The following LCOR variants were observed in gnomAD, a reference collection of about 807,000 sequenced individuals.
LCOR encodes the protein ligand dependent nuclear receptor corepressor.
LCOR carries 14 observed loss-of-function variants against 64.4 expected under a neutral mutation model. That is an observed-to-expected ratio of 0.22 (90% CI 0.14 to 0.34). The LOEUF (loss-of-function observed/expected upper bound fraction) is 0.34. Among genes scored for constraint, LCOR ranks in the 10% least tolerant of loss-of-function variants. The pLI, the probability that LCOR is intolerant of heterozygous loss-of-function variation, is 1.00. For missense variants in LCOR, 1,686 were observed against 1,765.3 expected, an observed-to-expected ratio of 0.96 and a Z score of 0.80; for synonymous variants, 643 against 642.5, an observed-to-expected ratio of 1.00 and a Z score of -0.01.
chr10:96,849,780 T>C (rs1020713813), intron 2 of LCOR, among the ~76,000 whole-genome samples: 2 of 151,896 alleles, frequency 1.3e-5, no homozygotes, highest in African/African-American at 4.8e-5. Context: ...TAAGATGGCA[T>C]GTGTGCAGAC....
chr10:96,838,462 A>G (rs1056385599), intron 2 of LCOR, among the ~76,000 whole-genome samples: 1 of 152,094 alleles, frequency 6.6e-6, no homozygotes, highest in Non-Finnish European at 1.5e-5. Context: ...CCCCACATCC[A>G]TAGGCAGTTC....
intron 2 of LCOR, among the ~76,000 whole-genome samples, chr10:96,898,239 T>C (rs1846575756): frequency 6.6e-6 from 1 of 152,132 alleles, no homozygotes; most frequent in Non-Finnish European, 1.5e-5. Flanking sequence ...GGGGATACCT[T>C]AGAATTAGAT....
intron 7 of LCOR, chr10:96,964,103 T>TAA (rs890846395): frequency 6.6e-6 from 1 of 152,236 alleles, no homozygotes; most frequent in African/African-American, 2.4e-5. Context: ...GTAGAGCACT[T>TAA]ATGATCACAA....
At chr10:96,971,243 A>AT (rs377199153) in intron 7 of LCOR, among the ~76,000 whole-genome samples, 17 of 151,996 alleles carry the variant, frequency 1.1e-4, no homozygotes, top group African/African-American at 2.9e-4. Flanking sequence ...CGTTGAACTC[A>AT]TTTTTTTTGA....
chr10:96,843,339 C>A (rs1220123375), intron 2 of LCOR, among the ~76,000 whole-genome samples: 1 of 152,020 alleles, frequency 6.6e-6, no homozygotes, highest in Non-Finnish European at 1.5e-5. Context: ...TGCTATGTAG[C>A]CCAGGCTTGT....
chr10:96,947,989 A>T (rs978607340), intron 5 of LCOR, among the ~76,000 whole-genome samples: 2 of 152,292 alleles, frequency 1.3e-5, no homozygotes, highest in South Asian at 4.2e-4. Context: ...ACAGAGGTAA[A>T]CAAACACAGT....
Position 96,913,097 on chromosome 10 carries a change from C to T in LCOR, c.-184+5350C>T, listed in dbSNP as rs558981684. On this transcript the variant is annotated intron_variant, in intron 4 of 7. Coordinates refer to ENST00000421806, the MANE Select transcript of LCOR (RefSeq NM_001346516.2). The stretch of plus-strand genomic sequence containing the variant: ...CACTTTTTGGCATTAAAAGATGTTC[C>T]AGTCTTAACATGTACTTTCCCTGTC... 4.8e-4 allele frequency among the ~76,000 whole-genome samples: 72 copies of T among 151,508 alleles called. 1 individual carries two copies. Among genetic ancestry groups the T allele is most frequent in the Middle Eastern group, 3.5e-3 (1 of 288 alleles).
rs34176037 is a variant in LCOR at position 96,935,139 on chromosome 10, CTTTTTTTTTT to C, written c.-183-8956_-183-8947del. On this transcript the variant is annotated intron_variant, in intron 4 of 7. Coordinates refer to ENST00000421806, the MANE Select transcript of LCOR (RefSeq NM_001346516.2). ...TTTTCCTTATCTCCTGGCTATTTTA[CTTTTTTTTTT>C]TTTTTTTTTTTTTTTTTGAGACAGA... Among the ~76,000 whole-genome samples the C allele has an allele frequency of 3.1e-4, 20 of 65,556 alleles. No individual in the cohort carries two copies. In the East Asian group the frequency reaches 7.2e-3, roughly 24 times the overall value. The allele number at this position is 65,556 out of a possible 152,430, so 43.0% of individuals were successfully genotyped here.
intron 2 of LCOR, among the ~76,000 whole-genome samples, chr10:96,890,514 A>C (rs1846421987): frequency 6.6e-6 from 1 of 152,152 alleles, no homozygotes; most frequent in South Asian, 2.1e-4. Flanking sequence ...CTATAAAAGT[A>C]GTTTTACTTG....
chr10:96,869,457 T>C (rs1023495094), intron 2 of LCOR, among the ~76,000 whole-genome samples: 3 of 152,104 alleles, frequency 2.0e-5, no homozygotes, highest in South Asian at 2.1e-4. Context: ...TCAAGTAATC[T>C]GCCTACCTTG....
intron 4 of LCOR, among the ~76,000 whole-genome samples, chr10:96,940,147 G>C (rs1244759767): frequency 1.3e-5 from 2 of 152,174 alleles, no homozygotes; most frequent in African/African-American, 4.8e-5. Context: ...GTGTTCATGA[G>C]TATGTGGAGA....
At chr10:96,915,612 A>G in intron 4 of LCOR, 1 of 852,722 alleles carries the variant, frequency 1.2e-6, no homozygotes, top group Non-Finnish European at 2.0e-6. Context: ...GTACACAGTT[A>G]TCAAAAATGC....
intron 5 of LCOR, among the ~76,000 whole-genome samples, chr10:96,946,496 A>G (rs1847591617): frequency 6.6e-6 from 1 of 151,934 alleles, no homozygotes; most frequent in South Asian, 2.1e-4. Flanking sequence ...AAAAAGTTAG[A>G]TTTGCATTTT....
intron 4 of LCOR, among the ~76,000 whole-genome samples, chr10:96,923,472 G>T (rs1394623828): frequency 6.6e-6 from 1 of 152,158 alleles, no homozygotes; most frequent in African/African-American, 2.4e-5. Context: ...TATTGAAACT[G>T]CATTGTATCC....
intron 7 of LCOR, chr10:96,958,230 A>G (rs1393837930): frequency 1.5e-6 from 2 of 1,331,800 alleles, no homozygotes; most frequent in Non-Finnish European, 9.6e-7. Context: ...GACATCACTA[A>G]AGGCCCATTA....
chr10:96,864,377 T>C (rs1034856039), intron 2 of LCOR, among the ~76,000 whole-genome samples: 16 of 152,210 alleles, frequency 1.1e-4, no homozygotes, highest in Non-Finnish European at 2.4e-4. Flanking sequence ...AAAATCCTTA[T>C]TTGCTTTGGG....
In LCOR at chr10:96,982,323, T is replaced by C; in HGVS notation, c.1863T>C (p.Pro621=). The change falls in exon 8 of 8, where the codon CCT becomes CCC. Residue 621 remains proline, a synonymous_variant. Transcript: ENST00000421806. ...CCTCCAGCCTGGTGTGGCCTCTCCC[T>C]GCTCACCTTCCTGAAGAGGACCTGC... ...TTASSLVWPL[P]AHLPEEDLPE... 3 of 1,614,230 alleles carry C rather than the reference T, an allele frequency of 1.9e-6. No homozygotes were observed. In the South Asian group the frequency reaches 3.3e-5, roughly 18 times the overall value.
chr10:96,866,686 T>G (rs556316787), intron 2 of LCOR, among the ~76,000 whole-genome samples: 3 of 152,306 alleles, frequency 2.0e-5, no homozygotes, highest in South Asian at 4.1e-4. Context: ...GCAATTCTCC[T>G]GCCTCAGCCT....
intron 4 of LCOR, among the ~76,000 whole-genome samples, chr10:96,931,028 T>C (rs1229990986): frequency 6.6e-6 from 1 of 152,156 alleles, no homozygotes; most frequent in Non-Finnish European, 1.5e-5. Context: ...TTTATAGCCC[T>C]TCCTAGAAAA....
Sources: allele counts gnomAD v4.1 joint callset (sites outside exome capture counted in the v4.1 genomes callset), GRCh38; gene constraint gnomAD v4.1.1; transcripts MANE v1.5; gene names NCBI Gene and HGNC (gene_info 2026-07-23, HGNC 2026-07-21).